PACSIN1: variants seen among roughly 807,000 people sequenced by gnomAD.
The protein encoded by PACSIN1 is protein kinase C and casein kinase substrate in neurons protein 1.
A neutral mutation model predicts 59.5 loss-of-function variants in PACSIN1; 15 were observed. That is an observed-to-expected ratio of 0.25 (90% CI 0.17 to 0.39). The LOEUF (loss-of-function observed/expected upper bound fraction) is 0.39, where lower values mean the gene tolerates loss of function less well. PACSIN1 is among the 10% of genes least tolerant of loss of function. PACSIN1 has a pLI of 1.00. For missense variants in PACSIN1, 420 were observed against 580.2 expected (o/e 0.72, Z 2.84); for synonymous variants, 210 against 220.6 (o/e 0.95, Z 0.42).
intron 1 of PACSIN1, among the ~76,000 whole-genome samples, chr6:34,472,694 A>T (rs1294902778): frequency 2.6e-5 from 4 of 152,242 alleles, no homozygotes; most frequent in South Asian, 4.1e-4. Flanking sequence ...ATGGGCTTAT[A>T]TTCCCTCTCC....
At position 34,530,626 on chromosome 6, in the gene PACSIN1, A is replaced by ACCC; in HGVS notation, c.1037+40_1037+42dup. 2 of 1,506,480 alleles carry ACCC rather than the reference A, an allele frequency of 1.3e-6. No individual in the cohort carries two copies. The highest frequency in any genetic ancestry group is 1.8e-6 in the Non-Finnish European group (2 of 1,126,958). The allele number at this position is 1,506,480 out of a possible 1,614,324, so 93.3% of individuals were successfully genotyped here. Reference sequence around the variant, plus strand: ...GTGGAGCTTCCTGGGGCCAAGAGGGACCCACACTCTGGGGCAGCTGAGTTT... The same window carrying ACCC: ...GTGGAGCTTCCTGGGGCCAAGAGGGACCCCCCACACTCTGGGGCAGCTGAGTTT... On this transcript the variant is annotated intron_variant, in intron 8 of 9. Transcript: ENST00000244458. This position sits in a 1 kb window ranked among gnomAD's most constrained non-coding sequence, Gnocchi z 4.4.
chr6:34,473,619 G>A (rs1766601747), intron 1 of PACSIN1, among the ~76,000 whole-genome samples: 1 of 152,190 alleles, frequency 6.6e-6, no homozygotes, highest in South Asian at 2.1e-4. Flanking sequence ...GGGGTTGGGG[G>A]TCCAGGCTGA....
At chr6:34,472,608 G>A (rs1406860517) in intron 1 of PACSIN1, among the ~76,000 whole-genome samples, 1 of 152,146 alleles carries the variant, frequency 6.6e-6, no homozygotes, top group Non-Finnish European at 1.5e-5. Context: ...CCCTTAATCT[G>A]ATGGCATGTG....
At chr6:34,512,401 C>A (rs1171711812) in intron 1 of PACSIN1, among the ~76,000 whole-genome samples, 1 of 152,038 alleles carries the variant, frequency 6.6e-6, no homozygotes, top group Non-Finnish European at 1.5e-5. Context: ...GGATGGAGCC[C>A]GGCTCTTTAA....
At chr6:34,492,391 AT>A (rs151103055) in intron 1 of PACSIN1, among the ~76,000 whole-genome samples, 2 of 137,746 alleles carry the variant, frequency 1.5e-5, no homozygotes, top group Non-Finnish European at 3.2e-5. Context: ...ATTTATTTTT[AT>A]TTTTTTTTGA....
chr6:34,528,898 C>CCG, intron 4 of PACSIN1, 21 bp downstream of exon 4: 1 of 298,360 alleles, frequency 3.4e-6, no homozygotes, highest in South Asian at 2.8e-5. Context: ...GGTGCTGCCA[C>CCG]GGGCGGGGTG....
At chr6:34,497,061 G>A (rs901791575) in intron 1 of PACSIN1, among the ~76,000 whole-genome samples, 1 of 147,040 alleles carries the variant, frequency 6.8e-6, no homozygotes, top group African/African-American at 2.5e-5. Flanking sequence ...CAATTCTCAT[G>A]GTTCAGCCTC....
At position 34,481,957 on chromosome 6, in the gene PACSIN1, C is replaced by A. The variant is rs931752848; in HGVS notation, c.-64+15687C>A. 3.3e-5 allele frequency among the ~76,000 whole-genome samples: 5 copies of A among 152,342 alleles called. No individual in the cohort carries two copies. In the South Asian group the frequency reaches 6.2e-4, roughly 19 times the overall value. On this transcript the variant is annotated intron_variant, in intron 1 of 9. Transcript: ENST00000244458. Reference sequence around the variant, plus strand: ...ATTAACAGCTACTTCCCAATTCCCCCTCCCTCAGCTCTGGAAATCACCAAA... The same window carrying A: ...ATTAACAGCTACTTCCCAATTCCCCATCCCTCAGCTCTGGAAATCACCAAA...
Position 34,515,669 on chromosome 6 carries a change from C to G in PACSIN1, c.-63-10574C>G, listed in dbSNP as rs1283025577. Among the ~76,000 whole-genome samples the G allele has an allele frequency of 6.6e-6, 1 of 152,174 alleles. No individual in the cohort carries two copies. Among genetic ancestry groups the G allele is most frequent in the African/African-American group, 2.4e-5 (1 of 41,440 alleles). On this transcript the variant is annotated intron_variant, in intron 1 of 9. Transcript: ENST00000244458. The surrounding 1 kb of genome is among the most constrained non-coding windows in gnomAD (Gnocchi z 4.4). ...TCCCTGGAGACTTAGTGAACTGTCC[C>G]CAATCCCAGATCTCCCAAAGGACCC...
At chr6:34,512,443 G>C (rs1380603355) in intron 1 of PACSIN1, among the ~76,000 whole-genome samples, 1 of 152,188 alleles carries the variant, frequency 6.6e-6, no homozygotes, top group African/African-American at 2.4e-5. Context: ...GGGGCCGGCA[G>C]GTGGGCAGGG....
At chr6:34,505,512 T>C (rs1274037975) in intron 1 of PACSIN1, among the ~76,000 whole-genome samples, 3 of 151,132 alleles carry the variant, frequency 2.0e-5, no homozygotes, top group Non-Finnish European at 4.4e-5. Context: ...TTCCTGAGGT[T>C]CTGTCCTTTT....
At chr6:34,470,275 G>A (rs1168266571) in intron 1 of PACSIN1, among the ~76,000 whole-genome samples, 3 of 151,906 alleles carry the variant, frequency 2.0e-5, no homozygotes, top group Admixed American at 6.6e-5. Flanking sequence ...CTCCACCTCC[G>A]GGTTCAAGCA....
intron 1 of PACSIN1, among the ~76,000 whole-genome samples, chr6:34,493,361 T>C (rs964160518): frequency 6.6e-6 from 1 of 152,222 alleles, no homozygotes; most frequent in African/African-American, 2.4e-5. Context: ...ATGAATATGG[T>C]TGCTGCAAGC....
At position 34,531,276 on chromosome 6, in the gene PACSIN1, A is replaced by T. The variant is rs565748888; in HGVS notation, c.1038-324A>T. Among the ~76,000 whole-genome samples the T allele has an allele frequency of 6.6e-6, 1 of 152,366 alleles. No homozygotes were observed. The highest frequency in any genetic ancestry group is 2.1e-4 in the South Asian group (1 of 4,824). ...ATCACATTGCTAGTTAGTAAACCTC[A>T]GAGCCAGATATGTTGCCCAGGAGGT... On this transcript the variant is annotated intron_variant, in intron 8 of 9. Transcript: ENST00000244458. This position sits in a 1 kb window ranked among gnomAD's most constrained non-coding sequence, Gnocchi z 4.4.
At chr6:34,490,826 G>T (rs1766865629) in intron 1 of PACSIN1, among the ~76,000 whole-genome samples, 1 of 152,168 alleles carries the variant, frequency 6.6e-6, no homozygotes, top group Non-Finnish European at 1.5e-5. Flanking sequence ...TGACACGGCA[G>T]CCCTGGCGTT....
At chr6:34,487,005 A>AAAAAG (rs1491183814) in intron 1 of PACSIN1, among the ~76,000 whole-genome samples, 1 of 56,672 alleles carries the variant, frequency 1.8e-5, no homozygotes, top group African/African-American at 1.6e-4. Flanking sequence ...CATCTCTACC[A>AAAAAG]AAAAAAAAAA....
At chr6:34,513,893 A>G (rs1767244064) in intron 1 of PACSIN1, among the ~76,000 whole-genome samples, 1 of 151,968 alleles carries the variant, frequency 6.6e-6, no homozygotes, top group Non-Finnish European at 1.5e-5. Context: ...TGATCCTGAC[A>G]CTTCTACTCC....
chr6:34,506,862 G>T (rs35429796), intron 1 of PACSIN1, among the ~76,000 whole-genome samples: 12,162 of 152,170 alleles, frequency 0.08, 522 homozygotes, highest in Non-Finnish European at 0.091. Context: ...CCTTGTTATT[G>T]CTGGGTGCAG....
At chr6:34,494,606 G>A (rs936573724) in intron 1 of PACSIN1, among the ~76,000 whole-genome samples, 2 of 151,930 alleles carry the variant, frequency 1.3e-5, no homozygotes, top group Non-Finnish European at 2.9e-5. Flanking sequence ...CCCATGCCTG[G>A]CTAATTTTTA....
Sources: gnomAD v4.1 joint callset for allele counts (sites outside exome capture counted in the v4.1 genomes callset) on GRCh38, gnomAD v4.1.1 for gene constraint, Gnocchi (gnomAD v3.1) non-coding constraint, MANE v1.5 for transcripts, NCBI Gene and HGNC (gene_info 2026-07-23, HGNC 2026-07-21) for gene names.